Variants in NBAS observed in about 807,000 individuals in gnomAD.
NBAS encodes NAG/BC035112 fusion.
Under a neutral mutation model 302.5 loss-of-function variants are expected in NBAS, and 219 were observed. The ratio of observed to expected loss-of-function variants is 0.72; its 90% CI spans 0.65 to 0.81. The LOEUF (loss-of-function observed/expected upper bound fraction) is 0.81. Ranked by LOEUF, NBAS falls within the 30% of genes least tolerant of loss-of-function variation. NBAS has a pLI of 0.00. For synonymous variants in NBAS, 1,118 were observed against 1,021.6 expected (o/e 1.09, Z -1.80); for missense variants, 2,932 against 2,841.6 (o/e 1.03, Z -0.72).
chr2:14,847,148 C>T, the NBAS span, among the ~76,000 whole-genome samples: 35 of 152,128 alleles, frequency 2.3e-4, 1 homozygote, highest in South Asian at 7.3e-3. Context: ...CTTTCAGAGG[C>T]CGAGGTGGGT....
At chr2:15,471,322 C>A (rs1001489751) in intron 16 of NBAS, among the ~76,000 whole-genome samples, 7 of 152,174 alleles carry the variant, frequency 4.6e-5, no homozygotes, top group African/African-American at 7.2e-5. Flanking sequence ...TGCTCTTTCA[C>A]CTCTGATATC....
chr2:14,914,594 G>A, the NBAS span, among the ~76,000 whole-genome samples: 8 of 152,140 alleles, frequency 5.3e-5, no homozygotes, highest in African/African-American at 1.9e-4. Context: ...ATTGGGGAGG[G>A]GAACTTGTGA....
intron 35 of NBAS, among the ~76,000 whole-genome samples, chr2:15,333,878 G>A (rs920734646): frequency 6.7e-6 from 1 of 150,356 alleles, no homozygotes; most frequent in African/African-American, 2.4e-5. Context: ...GCAAGTTGTT[G>A]AGGAATACAG....
the NBAS span, among the ~76,000 whole-genome samples, chr2:14,823,509 C>T: frequency 6.6e-6 from 1 of 152,220 alleles, no homozygotes; most frequent in Non-Finnish European, 1.5e-5. Flanking sequence ...ATGAAGATCA[C>T]ATAGCTAATT....
At chr2:15,119,312 T>TC in the NBAS span, among the ~76,000 whole-genome samples, 3 of 136,668 alleles carry the variant, frequency 2.2e-5, no homozygotes, top group South Asian at 2.3e-4. Flanking sequence ...TCTTTTTTTT[T>TC]TTTTTTTTTT....
the NBAS span, among the ~76,000 whole-genome samples, chr2:15,050,203 A>G: frequency 6.6e-6 from 1 of 152,034 alleles, no homozygotes. Flanking sequence ...AACCAAAAAG[A>G]AGTTCCCCTC....
In NBAS at chr2:15,171,746, T is replaced by C. The variant is rs564761590; in HGVS notation, c.6841-4423A>G. Among the ~76,000 whole-genome samples, 17 of 152,164 alleles carry C rather than the reference T, an allele frequency of 1.1e-4. No individual in the cohort carries two copies. In the South Asian group the frequency reaches 3.5e-3, roughly 32 times the overall value. On this transcript the variant is annotated intron_variant, in intron 51 of 51. Transcript: ENST00000281513. The stretch of plus-strand genomic sequence containing the variant: ...ACAGACAGGGACTTTAAAGAGGCAA[T>C]GAAGGTAAAATGAGGTCATCAGGAT...
chr2:15,192,122 T>TA (rs1268422602), intron 48 of NBAS, among the ~76,000 whole-genome samples: 1 of 152,206 alleles, frequency 6.6e-6, no homozygotes, highest in Non-Finnish European at 1.5e-5. Flanking sequence ...TCTTAGCACT[T>TA]ACAACTATGT....
rs905516250 is a variant in NBAS, at chr2:15,334,220, C to T, written c.4180-3455G>A. Among the ~76,000 whole-genome samples the T allele has an allele frequency of 5.3e-5, 8 of 151,386 alleles. 1 individual carries two copies. In the South Asian group the frequency reaches 1.3e-3, roughly 24 times the overall value. On this transcript the variant is annotated intron_variant, in intron 35 of 51. Coordinates refer to ENST00000281513, the MANE Select transcript of NBAS (RefSeq NM_015909.4). ...TCTTTTTTTTTTTGAGACAGAGTCT[C>T]GCTCTGTCACCCAGGTTGGAGTGCA...
At chr2:14,877,453 T>A in the NBAS span, among the ~76,000 whole-genome samples, 2 of 152,162 alleles carry the variant, frequency 1.3e-5, no homozygotes, top group African/African-American at 4.8e-5. Flanking sequence ...CATTGGATAA[T>A]GTTACTATTT....
chr2:15,266,138 C>A (rs765617148), intron 44 of NBAS, among the ~76,000 whole-genome samples: 34 of 152,202 alleles, frequency 2.2e-4, no homozygotes, highest in Non-Finnish European at 3.2e-4. Flanking sequence ...CACTCATTCT[C>A]TTTCCTGCCA....
intron 25 of NBAS, among the ~76,000 whole-genome samples, chr2:15,406,472 G>A (rs542461739): frequency 6.6e-6 from 1 of 152,256 alleles, no homozygotes; most frequent in African/African-American, 2.4e-5. Flanking sequence ...AAGAAAACGT[G>A]AGAGAATTCT....
At chr2:15,019,737 G>C in the NBAS span, among the ~76,000 whole-genome samples, 36 of 151,878 alleles carry the variant, frequency 2.4e-4, no homozygotes, top group African/African-American at 8.2e-4. Context: ...GAGCCCTCAT[G>C]AATGAGACCA....
chr2:14,855,120 C>T, the NBAS span, among the ~76,000 whole-genome samples: 1 of 152,030 alleles, frequency 6.6e-6, no homozygotes, highest in Non-Finnish European at 1.5e-5. Flanking sequence ...AGTTGTGAGG[C>T]CCCCATTCCA....
chr2:15,208,484 C>G (rs995855914), intron 48 of NBAS, among the ~76,000 whole-genome samples: 16 of 152,142 alleles, frequency 1.1e-4, no homozygotes, highest in African/African-American at 3.9e-4. Context: ...CTTTCAGCAT[C>G]GGACAGATTG....
the NBAS span, among the ~76,000 whole-genome samples, chr2:14,944,224 C>T: frequency 2.2e-4 from 33 of 152,228 alleles, no homozygotes; most frequent in Non-Finnish European, 3.7e-4. Context: ...GGCGTGAACC[C>T]GGGAGGCGGA....
chr2:15,476,735 G>A (rs1549016), intron 13 of NBAS, among the ~76,000 whole-genome samples: 94,835 of 151,574 alleles, frequency 0.63, 30,376 homozygotes, highest in Middle Eastern at 0.68. Flanking sequence ...AGAAAAAAAG[G>A]AAATGAATTA....
rs201150984 is a variant in NBAS, at chr2:15,402,250, C to T, written c.2989G>A (p.Glu997Lys). The T allele has an allele frequency of 1.9e-6, 3 of 1,613,420 alleles. No homozygotes were observed. Among genetic ancestry groups the T allele is most frequent in the Non-Finnish European group, 2.5e-6 (3 of 1,179,558 alleles). ...DQDQLMAIAL[E>K]CIYTCERNDQ... ...TTTCGTTCACAGGTATAGATGCACTCTAGTGCTATTGCCATCAGTTGGTCC... is the reference window on the plus strand; with the variant it reads ...TTTCGTTCACAGGTATAGATGCACTTTAGTGCTATTGCCATCAGTTGGTCC... The change falls in exon 26 of 52, where the codon GAG (glutamate) becomes AAG (lysine). Residue 997 changes from glutamate (E) to lysine (K), a missense_variant. Transcript: ENST00000281513.
At chr2:15,153,622 T>A in the NBAS span, among the ~76,000 whole-genome samples, 1 of 152,230 alleles carries the variant, frequency 6.6e-6, no homozygotes, top group African/African-American at 2.4e-5. Context: ...CAGCTTAAAA[T>A]TTTTAAATCG....
Sources: allele counts gnomAD v4.1 joint callset (sites outside exome capture counted in the v4.1 genomes callset), GRCh38; gene constraint gnomAD v4.1.1; transcripts MANE v1.5; gene names NCBI Gene and HGNC (gene_info 2026-07-23, HGNC 2026-07-21).